Variants in LRRTM4 observed in about 807,000 individuals in gnomAD.
LRRTM4 encodes the protein leucine-rich repeat transmembrane neuronal protein 4.
A neutral mutation model predicts 47.6 loss-of-function variants in LRRTM4; 25 were observed. The observed-to-expected ratio is 0.53, with a 90% CI of 0.38 to 0.73. The LOEUF (loss-of-function observed/expected upper bound fraction) is 0.73. Among genes scored for constraint, LRRTM4 ranks in the 30% least tolerant of loss-of-function variants. The pLI is 0.00. For missense variants in LRRTM4, 638 were observed against 713.4 expected (o/e 0.89, Z 1.20); for synonymous variants, 311 against 269.5 (o/e 1.15, Z -1.51).
chr2:77,070,015 T>C (rs1680097816), intron 3 of LRRTM4, among the ~76,000 whole-genome samples: 1 of 152,074 alleles, frequency 6.6e-6, no homozygotes, highest in Non-Finnish European at 1.5e-5. Context: ...GCCTTTTGAA[T>C]TAAAACTTAC....
At chr2:77,329,081 A>G (rs959665696) in intron 3 of LRRTM4, among the ~76,000 whole-genome samples, 5 of 152,210 alleles carry the variant, frequency 3.3e-5, no homozygotes, top group Non-Finnish European at 5.9e-5. Flanking sequence ...CTGAGCTTAC[A>G]GTACTTAAGA....
At chr2:77,063,296 AT>A (rs1679851841) in intron 3 of LRRTM4, among the ~76,000 whole-genome samples, 1 of 152,102 alleles carries the variant, frequency 6.6e-6, no homozygotes, top group Non-Finnish European at 1.5e-5. Context: ...CCTAATTGTC[AT>A]CATTGTGTCC....
chr2:76,906,975 C>G (rs1427845550), intron 3 of LRRTM4, among the ~76,000 whole-genome samples: 2 of 152,070 alleles, frequency 1.3e-5, no homozygotes, highest in African/African-American at 4.8e-5. Context: ...AGGAATTGAA[C>G]TCAGCTCTGC....
intron 3 of LRRTM4, among the ~76,000 whole-genome samples, chr2:77,493,804 C>T (rs1391258678): frequency 6.6e-6 from 1 of 151,976 alleles, no homozygotes; most frequent in Non-Finnish European, 1.5e-5. Context: ...TAGCAGGCCA[C>T]AGAAATTATG....
intron 3 of LRRTM4, among the ~76,000 whole-genome samples, chr2:77,087,302 A>G (rs73940298): frequency 0.02 from 3,038 of 152,318 alleles, 91 homozygotes; most frequent in African/African-American, 0.069. Flanking sequence ...CAAAACTACA[A>G]GAGATTTTAC....
intron 3 of LRRTM4, among the ~76,000 whole-genome samples, chr2:77,134,834 A>C (rs1572995627): frequency 6.6e-6 from 1 of 152,290 alleles, no homozygotes; most frequent in Admixed American, 6.5e-5. Flanking sequence ...AAAGTAAATT[A>C]AAAAGACATA....
intron 3 of LRRTM4, among the ~76,000 whole-genome samples, chr2:77,286,542 T>C (rs1437262927): frequency 2.0e-5 from 3 of 151,672 alleles, no homozygotes; most frequent in East Asian, 1.9e-4. Flanking sequence ...AAAATGCAAA[T>C]GATTTTTTCT....
chr2:77,143,664 A>AT (rs1672184290), intron 3 of LRRTM4, among the ~76,000 whole-genome samples: 2 of 152,332 alleles, frequency 1.3e-5, no homozygotes, highest in South Asian at 2.1e-4. Flanking sequence ...GCATTTCAGA[A>AT]TTTCTGCAAG....
chr2:76,807,071 T>C (rs1676006656), intron 3 of LRRTM4, among the ~76,000 whole-genome samples: 1 of 152,094 alleles, frequency 6.6e-6, no homozygotes. Context: ...TAAAATAGGC[T>C]GCTTCTACAT....
intron 3 of LRRTM4, among the ~76,000 whole-genome samples, chr2:77,146,545 C>T (rs557036277): frequency 6.6e-6 from 1 of 152,180 alleles, no homozygotes; most frequent in Non-Finnish European, 1.5e-5. Context: ...AATTATCAAA[C>T]AATGAAAAGC....
chr2:77,230,198 AC>A (rs1674926193), intron 3 of LRRTM4, among the ~76,000 whole-genome samples: 1 of 152,122 alleles, frequency 6.6e-6, no homozygotes, highest in African/African-American at 2.4e-5. Flanking sequence ...CAACACCTAT[AC>A]TAAACAACCA....
At chr2:77,418,616 T>C (rs1674740135) in intron 3 of LRRTM4, among the ~76,000 whole-genome samples, 1 of 152,186 alleles carries the variant, frequency 6.6e-6, no homozygotes, top group East Asian at 1.9e-4. Context: ...CAGTGCCACC[T>C]CAATATCTCT....
intron 3 of LRRTM4, among the ~76,000 whole-genome samples, chr2:77,293,820 C>T (rs1222269611): frequency 6.6e-6 from 1 of 152,050 alleles, no homozygotes; most frequent in Non-Finnish European, 1.5e-5. Context: ...TATGGTAAGC[C>T]CTGGACCCTC....
At chr2:77,360,062 T>C (rs1302221732) in intron 3 of LRRTM4, among the ~76,000 whole-genome samples, 3 of 152,230 alleles carry the variant, frequency 2.0e-5, no homozygotes, top group Non-Finnish European at 4.4e-5. Flanking sequence ...TTATGTTTTT[T>C]AGATAAGTAT....
At chr2:77,420,472 C>G (rs1674831670) in intron 3 of LRRTM4, among the ~76,000 whole-genome samples, 1 of 151,852 alleles carries the variant, frequency 6.6e-6, no homozygotes, top group Non-Finnish European at 1.5e-5. Context: ...CTGCCCACCA[C>G]AAGTATAAAA....
chr2:77,119,911 TA>T (rs2103953192), intron 3 of LRRTM4, among the ~76,000 whole-genome samples: 1 of 151,860 alleles, frequency 6.6e-6, no homozygotes, highest in South Asian at 2.1e-4. Flanking sequence ...GAGTGTATAT[TA>T]ATAGGATAAC....
rs1408098563 is a variant in LRRTM4, at chr2:77,126,144, C to A, written c.1552-377228G>T. Among the ~76,000 whole-genome samples, 3 of 151,908 alleles carry A rather than the reference C, an allele frequency of 2.0e-5. No homozygotes were observed. In the East Asian group the frequency reaches 5.8e-4, roughly 29 times the overall value. On this transcript the variant is annotated intron_variant, in intron 3 of 3. Coordinates refer to ENST00000409884, the MANE Select transcript of LRRTM4 (RefSeq NM_001134745.3). ...TGAAATTCTTATTTGTTTACCCCCA[C>A]TCAATTATTTTTTTCAAAGCACACT...
intron 3 of LRRTM4, among the ~76,000 whole-genome samples, chr2:77,494,360 C>A (rs911994515): frequency 1.3e-5 from 2 of 152,060 alleles, no homozygotes; most frequent in South Asian, 2.1e-4. Flanking sequence ...GTTACCAACT[C>A]ATTGTGATGT....
At chr2:76,998,981 C>G (rs1677310391) in intron 3 of LRRTM4, among the ~76,000 whole-genome samples, 1 of 144,258 alleles carries the variant, frequency 6.9e-6, no homozygotes, top group South Asian at 2.3e-4. Flanking sequence ...GTGTTTCTTT[C>G]TATTTCCTAT....
Sources: allele counts gnomAD v4.1 joint callset (sites outside exome capture counted in the v4.1 genomes callset), GRCh38; gene constraint gnomAD v4.1.1; transcripts MANE v1.5; gene names NCBI Gene and HGNC (gene_info 2026-07-23, HGNC 2026-07-21).